Variants in CEP164 observed in about 807,000 individuals in gnomAD.
CEP164 encodes the protein centrosomal protein of 164 kDa.
Under a neutral mutation model 182.7 loss-of-function variants are expected in CEP164, and 162 were observed. The ratio of observed to expected loss-of-function variants is 0.89; its 90% CI spans 0.78 to 1.01. CEP164 has a LOEUF of 1.01. Among genes scored for constraint, CEP164 ranks in the 50% least tolerant of loss-of-function variants. CEP164 has a pLI of 0.00. For missense variants in CEP164, 1,735 were observed against 1,790.4 expected (o/e 0.97, Z 0.56); for synonymous variants, 661 against 690.0 (o/e 0.96, Z 0.66).
intron 5 of CEP164, among the ~76,000 whole-genome samples, chr11:117,360,780 G>GCAAC (rs1308809542): frequency 6.6e-6 from 1 of 152,086 alleles, no homozygotes; most frequent in Non-Finnish European, 1.5e-5. Context: ...CTCCTCAAAG[G>GCAAC]CAACCATTCT....
Position 117,412,376 on chromosome 11 carries a change from G to C in CEP164, c.*208G>C, listed in dbSNP as rs543119751. 6.7e-6 allele frequency: 3 copies of C among 450,048 alleles called. No individual in the cohort carries two copies. The South Asian group carries it at 9.0e-5, about 13-fold the overall frequency. The allele number at this position is 450,048 out of a possible 1,614,324, so 27.9% of individuals were successfully genotyped here. A position where few individuals can be genotyped will look rare whatever the true frequency, so the allele number is the denominator to read the frequency against. On this transcript the variant is annotated 3_prime_UTR_variant, in exon 33 of 33. Coordinates refer to ENST00000278935, the MANE Select transcript of CEP164 (RefSeq NM_014956.5). ...ATCTCAGGCTAAAATGTGTGGACTC[G>C]TACGAGCTCTTGTCATTGACATGGC...
At chr11:117,366,583 A>AGCCCATC (rs2041660758) in intron 8 of CEP164, among the ~76,000 whole-genome samples, 1 of 152,214 alleles carries the variant, frequency 6.6e-6, no homozygotes, top group South Asian at 2.1e-4. Context: ...TCAGTGGATC[A>AGCCCATC]AAGGAGCAGG....
chr11:117,340,216 C>T (rs954625084), intron 3 of CEP164, among the ~76,000 whole-genome samples: 9 of 151,828 alleles, frequency 5.9e-5, no homozygotes, highest in African/African-American at 1.5e-4. Flanking sequence ...TTAACAGAGA[C>T]GGGGTTTTGC....
Position 117,381,772 on chromosome 11 carries a change from C to A in CEP164, c.1481C>A (p.Pro494His), listed in dbSNP as rs150839905. The stretch of plus-strand genomic sequence containing the variant: ...CGCAGCCTGGCCACTGAAGAAGAGC[C>A]TCCCCAGGGCCCCGAGGGGCAGCCC... ...PPRSLATEEE[P>H]PQGPEGQPEW... Residue 494 changes from proline (P) to histidine (H), a missense_variant, in exon 13 of 33, where the codon CCT becomes CAT. Physicochemically the swap from Pro to His is moderately conservative, Grantham distance 77 (BLOSUM62 -2). Transcript: ENST00000278935. 21 of 1,600,160 alleles carry A rather than the reference C, an allele frequency of 1.3e-5. No homozygotes were observed. Among genetic ancestry groups the A allele is most frequent in the Non-Finnish European group, 1.6e-5 (19 of 1,173,176 alleles).
chr11:117,411,914 G>GGTT lies in CEP164; in HGVS notation c.4286_4286+2dup. ...CTGGAACGTGTCAAGAATGACCCCA[G>GGTT]GTTGTATCCTTTTACCTGGTTCCCA... On this transcript the variant is annotated inframe_insertion, in exon 32 of 33. Transcript: ENST00000278935. This position sits in a 1 kb window ranked among gnomAD's most constrained non-coding sequence, Gnocchi z 4.4. The GGTT allele has an allele frequency of 1.9e-6, 3 of 1,614,122 alleles. No homozygotes were observed. Among genetic ancestry groups the GGTT allele is most frequent in the Non-Finnish European group, 2.5e-6 (3 of 1,180,008 alleles).
intron 27 of CEP164, among the ~76,000 whole-genome samples, chr11:117,406,445 A>T (rs2046684326): frequency 6.6e-6 from 1 of 152,222 alleles, no homozygotes; most frequent in Non-Finnish European, 1.5e-5. Context: ...TCAAGATGAG[A>T]TTTGTGTGGA....
Position 117,352,399 on chromosome 11 carries a change from G to T in CEP164, c.393+411G>T, listed in dbSNP as rs1030552157. 2.2e-4 allele frequency among the ~76,000 whole-genome samples: 33 copies of T among 152,276 alleles called. No individual in the cohort carries two copies. In the East Asian group the frequency reaches 3.5e-3, roughly 16 times the overall value. ...TTATTCAGAGTCAGGCCTCCCTAGT[G>T]TGGGTTCCTTTTTTGTCTTAAAGTG... On this transcript the variant is annotated intron_variant, in intron 5 of 32. Transcript: ENST00000278935.
In CEP164 at chr11:117,380,788, G is replaced by T. The variant is rs550113058; in HGVS notation, c.1409+83G>T. On this transcript the variant is annotated intron_variant, in intron 12 of 32. Transcript: ENST00000278935. ...GCAGAATTCTTGGCTTTGGTGGCCG[G>T]CCTGGCTCAGTGTACAGTTGCTTGG... 7.6e-6 allele frequency: 10 copies of T among 1,320,238 alleles called. No homozygotes were observed. In the South Asian group the frequency reaches 1.2e-4, roughly 16 times the overall value. 81.8% of individuals were successfully genotyped at this position (1,320,238 alleles called of 1,614,324 possible). A position where few individuals can be genotyped will look rare whatever the true frequency, so the allele number is the denominator to read the frequency against.
intron 9 of CEP164, among the ~76,000 whole-genome samples, chr11:117,372,598 G>A (rs1019359494): frequency 1.2e-4 from 18 of 151,902 alleles, no homozygotes; most frequent in African/African-American, 4.1e-4. Flanking sequence ...TGTATTTTTA[G>A]TAGAGACGGG....
At position 117,371,343 on chromosome 11, in the gene CEP164, T is replaced by C; in HGVS notation, c.1029T>C (p.Ser343=). The C allele has an allele frequency of 1.2e-6, 2 of 1,614,082 alleles. No homozygotes were observed. Among genetic ancestry groups the C allele is most frequent in the Non-Finnish European group, 1.7e-6 (2 of 1,180,018 alleles). ...CAGGCAGTGAGCCTGCCAAAGCCTC[T>C]GAAAAGGAAGCACCAGAGGACACAG... ...DPTGSEPAKA[S]EKEAPEDTVD... is the part of the protein sequence containing the mutation. The change falls in exon 9 of 33, where the codon TCT becomes TCC. Residue 343 remains serine (S), a synonymous_variant. Transcript: ENST00000278935.
At chr11:117,389,705 A>T (rs151154386) in intron 15 of CEP164, among the ~76,000 whole-genome samples, 1 of 152,196 alleles carries the variant, frequency 6.6e-6, no homozygotes, top group Non-Finnish European at 1.5e-5. Flanking sequence ...GGTTTGCCAG[A>T]TAGAAAAGGG....
At position 117,394,241 on chromosome 11, in the gene CEP164, T is replaced by TG. The variant is rs1688316813; in HGVS notation, c.2617-107dup. 2.1e-6 allele frequency: 3 copies of TG among 1,409,248 alleles called. No individual in the cohort carries two copies. The highest frequency in any genetic ancestry group is 2.9e-6 in the Non-Finnish European group (3 of 1,037,690). 87.3% of individuals were successfully genotyped at this position (1,409,248 alleles called of 1,614,324 possible). ...CCAAGAGCTGGCTTTAGGGAGCCGA[T>TG]GGTGTCCCTGATCTTACTGATGCAA... On this transcript the variant is annotated intron_variant, in intron 20 of 32. Transcript: ENST00000278935. This position sits in a 1 kb window ranked among gnomAD's most constrained non-coding sequence, Gnocchi z 4.0.
intron 5 of CEP164, among the ~76,000 whole-genome samples, chr11:117,357,423 C>CTTTTTT (rs4018866): frequency 8.2e-6 from 1 of 121,524 alleles, no homozygotes; most frequent in East Asian, 2.5e-4. Flanking sequence ...AGTTAATATT[C>CTTTTTT]TTTTTTTTTT....
chr11:117,405,702 T>C (rs1220881313), intron 27 of CEP164, among the ~76,000 whole-genome samples: 1 of 152,224 alleles, frequency 6.6e-6, no homozygotes. Flanking sequence ...GAAATGCTTT[T>C]AACAGCACCC....
At chr11:117,330,576 G>A (rs1178451075) in intron 1 of CEP164, among the ~76,000 whole-genome samples, 1 of 152,144 alleles carries the variant, frequency 6.6e-6, no homozygotes, top group Non-Finnish European at 1.5e-5. Flanking sequence ...TTGAACCTGG[G>A]AGGCAGAGGC....
At position 117,338,661 on chromosome 11, in the gene CEP164, T is replaced by A; in HGVS notation, c.75T>A (p.Ser25Arg). Residue 25 changes from serine to arginine, a missense_variant, in exon 3 of 33, where the codon AGT (serine) becomes AGA (arginine). Coordinates refer to ENST00000278935, the MANE Select transcript of CEP164 (RefSeq NM_014956.5). ...ATTATGATGAGACCTACATTCCTAG[T>A]GAGCAAGGTAACAAGTCTGTGAAGA... is the stretch of plus-strand genomic sequence containing the variant. ...EEDYDETYIPSEQEILEFARE... is the reference protein window; with the variant it reads ...EEDYDETYIPREQEILEFARE... The A allele has an allele frequency of 1.2e-6, 2 of 1,612,808 alleles. No homozygotes were observed. The highest frequency in any genetic ancestry group is 1.7e-6 in the Non-Finnish European group (2 of 1,178,750).
rs137952164 is a variant in CEP164 at position 117,363,250 on chromosome 11, G to T, written c.688-179G>T. Among the ~76,000 whole-genome samples, 49 of 152,310 alleles carry T rather than the reference G, an allele frequency of 3.2e-4. No homozygotes were observed. In the Middle Eastern group the frequency reaches 0.017, roughly 53 times the overall value. On this transcript the variant is annotated intron_variant, in intron 7 of 32. Coordinates refer to ENST00000278935, the MANE Select transcript of CEP164 (RefSeq NM_014956.5). The stretch of plus-strand genomic sequence containing the variant: ...TTGCTTGTTGCACAGCATAGTTTGC[G>T]CTGGATGGAGAGCCGTTTAGTGAGG...
chr11:117,367,413 A>C (rs1306294353), intron 8 of CEP164, among the ~76,000 whole-genome samples: 1 of 152,256 alleles, frequency 6.6e-6, no homozygotes, highest in African/African-American at 2.4e-5. Flanking sequence ...GCATGAGCCC[A>C]TCATGTGAAA....
chr11:117,392,381 CCT>C (rs2044773590), intron 18 of CEP164, 78 bp downstream of exon 18: 4 of 1,565,382 alleles, frequency 2.6e-6, no homozygotes, highest in Admixed American at 1.8e-5. Context: ...AGGCAGCGAG[CCT>C]CTCTCTCCAG....
Sources: allele counts gnomAD v4.1 joint callset (sites outside exome capture counted in the v4.1 genomes callset), GRCh38; gene constraint gnomAD v4.1.1; non-coding constraint Gnocchi (gnomAD v3.1); transcripts MANE v1.5; gene names NCBI Gene and HGNC (gene_info 2026-07-23, HGNC 2026-07-21).